Variants in TRERF1 observed in about 807,000 individuals in gnomAD.
TRERF1 encodes the protein transcriptional regulating factor 1.
In TRERF1, 27 loss-of-function variants were observed where a neutral mutation model predicts 122.9. That is an observed-to-expected ratio of 0.22 (90% CI 0.16 to 0.30). The LOEUF (loss-of-function observed/expected upper bound fraction) is 0.30, where lower values mean the gene tolerates loss of function less well. Among genes scored for constraint, TRERF1 ranks in the 10% least tolerant of loss-of-function variants. The pLI is 1.00. For missense variants in TRERF1, 1,248 were observed against 1,560.3 expected (o/e 0.80, Z 3.37); for synonymous variants, 636 against 641.7 (o/e 0.99, Z 0.13).
At chr6:42,401,616 G>C (rs562695581) in intron 2 of TRERF1, among the ~76,000 whole-genome samples, 62 of 152,288 alleles carry the variant, frequency 4.1e-4, no homozygotes, top group African/African-American at 1.4e-3. Context: ...CCCTGCCTCA[G>C]AGCCTGCTTG....
chr6:42,404,056 C>G (rs574267444), intron 2 of TRERF1, among the ~76,000 whole-genome samples: 14 of 152,254 alleles, frequency 9.2e-5, no homozygotes, highest in Middle Eastern at 3.4e-3. Flanking sequence ...GACCCCACCC[C>G]ACCTGCAAGA....
chr6:42,264,930 A>C, intron 6 of TRERF1, 76 bp from the exon 7 acceptor site: 14 of 1,511,818 alleles, frequency 9.3e-6, no homozygotes, highest in South Asian at 1.2e-5. Flanking sequence ...ACAAGACCTC[A>C]TACCCACCAC....
intron 2 of TRERF1, among the ~76,000 whole-genome samples, chr6:42,407,534 T>A (rs150575988): frequency 0.01 from 1,533 of 152,288 alleles, 17 homozygotes; most frequent in Non-Finnish European, 0.016. Context: ...TGATCTAATT[T>A]GTGGGTGTCA....
chr6:42,391,103 T>C (rs1777661880), intron 2 of TRERF1, among the ~76,000 whole-genome samples: 1 of 152,194 alleles, frequency 6.6e-6, no homozygotes, highest in African/African-American at 2.4e-5. Context: ...AGAGCTGTTA[T>C]CACAAAGCTA....
chr6:42,410,530 C>T (rs1780958559), intron 2 of TRERF1, among the ~76,000 whole-genome samples: 1 of 152,166 alleles, frequency 6.6e-6, no homozygotes, highest in South Asian at 2.1e-4. Flanking sequence ...GAGATATCAA[C>T]CTCCAAAACC....
chr6:42,244,338 C>A (rs574686563), intron 14 of TRERF1, among the ~76,000 whole-genome samples: 32 of 152,156 alleles, frequency 2.1e-4, no homozygotes, highest in Non-Finnish European at 4.0e-4. Flanking sequence ...GCATGCACCA[C>A]CACGCCCAGT....
At chr6:42,380,472 T>C (rs187455106) in intron 2 of TRERF1, among the ~76,000 whole-genome samples, 3 of 152,324 alleles carry the variant, frequency 2.0e-5, no homozygotes, top group East Asian at 1.9e-4. Context: ...GTGATGCTGA[T>C]AAAAACCCTT....
intron 9 of TRERF1, among the ~76,000 whole-genome samples, chr6:42,258,402 TGAG>T (rs1260315416): frequency 4.6e-5 from 7 of 152,156 alleles, no homozygotes; most frequent in East Asian, 3.8e-4. Context: ...TCACACAGGG[TGAG>T]GAGAAGCCAG....
intron 4 of TRERF1, among the ~76,000 whole-genome samples, chr6:42,292,622 T>C (rs918024904): frequency 5.3e-5 from 8 of 152,148 alleles, no homozygotes; most frequent in Admixed American, 3.3e-4. Flanking sequence ...AAAGAGGGAA[T>C]TGGTGTGGCC....
intron 2 of TRERF1, among the ~76,000 whole-genome samples, chr6:42,447,681 A>C (rs1452162792): frequency 6.6e-6 from 1 of 151,876 alleles, no homozygotes; most frequent in East Asian, 1.9e-4. Context: ...ACTTGCCTAG[A>C]TCCTTACTTT....
chr6:42,370,827 C>T (rs1773626211), intron 2 of TRERF1, among the ~76,000 whole-genome samples: 1 of 152,178 alleles, frequency 6.6e-6, no homozygotes, highest in Non-Finnish European at 1.5e-5. Context: ...CTCTGGCCTT[C>T]TGAGGTCACC....
At chr6:42,281,536 C>T (rs1169363358) in intron 4 of TRERF1, among the ~76,000 whole-genome samples, 2 of 152,164 alleles carry the variant, frequency 1.3e-5, no homozygotes, top group Non-Finnish European at 2.9e-5. Flanking sequence ...GTTTATGGAA[C>T]ACAGCAAACA....
At chr6:42,294,528 T>C (rs1298229710) in intron 4 of TRERF1, among the ~76,000 whole-genome samples, 2 of 152,132 alleles carry the variant, frequency 1.3e-5, no homozygotes, top group Non-Finnish European at 2.9e-5. Context: ...ACTGGTATAA[T>C]AATATAATGA....
chr6:42,247,307 A>G (rs556864244), intron 13 of TRERF1, among the ~76,000 whole-genome samples: 52 of 152,232 alleles, frequency 3.4e-4, no homozygotes, highest in Non-Finnish European at 6.9e-4. Flanking sequence ...GATATTTATT[A>G]GGTGTATATT....
intron 15 of TRERF1, among the ~76,000 whole-genome samples, chr6:42,237,070 T>C (rs1288372499): frequency 6.6e-6 from 1 of 152,220 alleles, no homozygotes. Context: ...GAAAAAGCAG[T>C]GTATTCAATG....
intron 14 of TRERF1, among the ~76,000 whole-genome samples, chr6:42,244,647 AT>A (rs531620956): frequency 1.3e-5 from 2 of 152,158 alleles, no homozygotes; most frequent in Admixed American, 6.5e-5. Context: ...AGACTTACTC[AT>A]TTTTTTAACC....
intron 2 of TRERF1, among the ~76,000 whole-genome samples, chr6:42,439,092 G>A (rs146509481): frequency 8.7e-4 from 133 of 152,332 alleles, no homozygotes; most frequent in African/African-American, 3.0e-3. Flanking sequence ...AGGCCATGCC[G>A]TAGAAAGATG....
chr6:42,293,779 A>C (rs1292056635), intron 4 of TRERF1, among the ~76,000 whole-genome samples: 1 of 124,064 alleles, frequency 8.1e-6, no homozygotes, highest in African/African-American at 3.1e-5. Flanking sequence ...AGGAAATGCA[A>C]ACCCAATATA....
At position 42,263,481 on chromosome 6, in the gene TRERF1, C is replaced by T. The variant is rs146158536; in HGVS notation, c.1723G>A (p.Glu575Lys). 3.0e-4 allele frequency: 477 copies of T among 1,587,756 alleles called. No individual in the cohort carries two copies. The African/African-American group carries it at 5.5e-3, about 18-fold the overall frequency. ...ACCATAGGCGTGAGGCTTTCTGCCT[C>T]GGGAGGGAGCTGTGGTGGCGGCGGA... The change falls in exon 8 of 18, where the codon GAG (glutamate) becomes AAG (lysine). Residue 575 changes from glutamate to lysine, a missense_variant. By Grantham distance (56) the Glu-to-Lys change is moderately conservative. Coordinates refer to ENST00000372922, the Ensembl canonical transcript of TRERF1. The surrounding 1 kb of genome is among the most constrained non-coding windows in gnomAD (Gnocchi z 5.6).
Sources: gnomAD v4.1 joint callset for allele counts (sites outside exome capture counted in the v4.1 genomes callset) on GRCh38, gnomAD v4.1.1 for gene constraint, Gnocchi (gnomAD v3.1) non-coding constraint, MANE v1.5 for transcripts, NCBI Gene and HGNC (gene_info 2026-07-23, HGNC 2026-07-21) for gene names.